CERS6: variants seen among roughly 807,000 people sequenced by gnomAD.
The protein encoded by CERS6 is ceramide synthase 6, also known as LAG1 homolog, ceramide synthase 6.
CERS6 carries 26 observed loss-of-function variants against 56.8 expected under a neutral mutation model. That is an observed-to-expected ratio of 0.46 (90% CI 0.34 to 0.63). The LOEUF is 0.63. Among genes scored for constraint, CERS6 ranks in the 30% least tolerant of loss-of-function variants. CERS6 has a pLI of 0.01. For missense variants in CERS6, 415 were observed against 467.5 expected, an observed-to-expected ratio of 0.89 and a Z score of 1.04; for synonymous variants, 164 against 173.3, an observed-to-expected ratio of 0.95 and a Z score of 0.42.
intron 3 of CERS6, among the ~76,000 whole-genome samples, chr2:168,590,631 G>A (rs1574084894): frequency 6.6e-6 from 1 of 152,116 alleles, no homozygotes; most frequent in East Asian, 1.9e-4. Flanking sequence ...GTATAATTTT[G>A]TTTTTTAATA....
intron 1 of CERS6, among the ~76,000 whole-genome samples, chr2:168,499,623 G>C (rs1351678824): frequency 2.6e-5 from 4 of 152,128 alleles, no homozygotes; most frequent in Non-Finnish European, 5.9e-5. Context: ...CGTACAACAG[G>C]TGGTTTGAGT....
chr2:168,623,502 GA>G (rs1684521317), intron 3 of CERS6, among the ~76,000 whole-genome samples: 1 of 152,146 alleles, frequency 6.6e-6, no homozygotes, highest in African/African-American at 2.4e-5. Flanking sequence ...AATCTTTAGA[GA>G]GAGACACTTT....
intron 1 of CERS6, among the ~76,000 whole-genome samples, chr2:168,474,571 A>G (rs2105327546): frequency 6.6e-6 from 1 of 152,330 alleles, no homozygotes; most frequent in East Asian, 1.9e-4. Context: ...TAACATGATG[A>G]CTTTTCCAAA....
rs1003480131 is a variant in CERS6 at position 168,769,908 on chromosome 2, A to G, written c.*246A>G. 4.5e-6 allele frequency: 2 copies of G among 445,320 alleles called. No homozygotes were observed. Among genetic ancestry groups the G allele is most frequent in the Non-Finnish European group, 7.8e-6 (2 of 255,550 alleles). The allele number at this position is 445,320 out of a possible 1,614,324, so 27.6% of individuals were successfully genotyped here. A position where few individuals can be genotyped will look rare whatever the true frequency, so the allele number is the denominator to read the frequency against. ...ACAGTATTTGCATTTGTACTGTCTT[A>G]GAATATTATTTATTTTTTTGTATTT... On this transcript the variant is annotated 3_prime_UTR_variant, in exon 10 of 10. Transcript: ENST00000305747.
chr2:168,596,279 AGGGTCATGTGGAAT>A (rs1422843335), intron 3 of CERS6, among the ~76,000 whole-genome samples: 1 of 150,408 alleles, frequency 6.6e-6, no homozygotes, highest in Non-Finnish European at 1.5e-5. Flanking sequence ...TGCTGATCAC[AGGGTCATGTGGAAT>A]GGGACCTCAA....
intron 5 of CERS6, among the ~76,000 whole-genome samples, chr2:168,693,613 T>C (rs145994557): frequency 2.0e-3 from 300 of 152,246 alleles, no homozygotes; most frequent in African/African-American, 7.1e-3. Context: ...AGGAAGTGTA[T>C]TCTACTCAGG....
At position 168,471,978 on chromosome 2, in the gene CERS6, G is replaced by A. The variant is rs185251095; in HGVS notation, c.170+15360G>A. On this transcript the variant is annotated intron_variant, in intron 1 of 9. Coordinates refer to ENST00000305747, the MANE Select transcript of CERS6 (RefSeq NM_203463.3). Reference sequence around the variant, plus strand: ...CGAATCTGTGGAGAGAGGGAGAGATGTAGATGAGAGTGTGAGTGCAGACGC... The same window carrying A: ...CGAATCTGTGGAGAGAGGGAGAGATATAGATGAGAGTGTGAGTGCAGACGC... Among the ~76,000 whole-genome samples, 5 of 152,180 alleles carry A rather than the reference G, an allele frequency of 3.3e-5. No homozygotes were observed. In the South Asian group the frequency reaches 1.0e-3, roughly 32 times the overall value.
chr2:168,749,040 G>GTATT (rs1272194401), intron 8 of CERS6, among the ~76,000 whole-genome samples: 2 of 150,012 alleles, frequency 1.3e-5, no homozygotes, highest in Non-Finnish European at 3.0e-5. Flanking sequence ...AAGGTTTGAG[G>GTATT]TATTGTACCC....
chr2:168,601,589 G>A (rs973186321), intron 3 of CERS6, among the ~76,000 whole-genome samples: 16 of 150,650 alleles, frequency 1.1e-4, no homozygotes, highest in East Asian at 1.9e-4. Flanking sequence ...TCGCTCTGTC[G>A]CCCAGGCTGG....
chr2:168,633,823 A>G (rs954297320), intron 4 of CERS6, among the ~76,000 whole-genome samples: 3 of 152,240 alleles, frequency 2.0e-5, no homozygotes, highest in African/African-American at 7.2e-5. Flanking sequence ...AGTTCTATCA[A>G]TACAGCATAA....
chr2:168,733,215 A>G (rs1683602260), intron 8 of CERS6, among the ~76,000 whole-genome samples: 1 of 152,210 alleles, frequency 6.6e-6, no homozygotes, highest in African/African-American at 2.4e-5. Flanking sequence ...TGAAAACCCA[A>G]CAGTTTCATT....
chr2:168,602,180 TTCTC>T (rs1683949800), intron 3 of CERS6, among the ~76,000 whole-genome samples: 1 of 152,228 alleles, frequency 6.6e-6, no homozygotes, highest in South Asian at 2.1e-4. Flanking sequence ...TTTTTTCTCT[TTCTC>T]TCTTTTAGAA....
At chr2:168,529,436 ACT>A (rs1695126524) in intron 1 of CERS6, among the ~76,000 whole-genome samples, 1 of 152,120 alleles carries the variant, frequency 6.6e-6, no homozygotes, top group Non-Finnish European at 1.5e-5. Context: ...TCCTCATTAA[ACT>A]CTGCATATAA....
In CERS6 at chr2:168,741,855, G is replaced by A. The variant is rs138136810; in HGVS notation, c.846-23737G>A. On this transcript the variant is annotated intron_variant, in intron 8 of 9. Coordinates refer to ENST00000305747, the MANE Select transcript of CERS6 (RefSeq NM_203463.3). ...TGAGTATTGATTCCTTGGTGCAGGAGGCATGGAAATAACAGAAGTTCCAGG... is the reference window on the plus strand; with the variant it reads ...TGAGTATTGATTCCTTGGTGCAGGAAGCATGGAAATAACAGAAGTTCCAGG... Among the ~76,000 whole-genome samples the A allele has an allele frequency of 5.0e-3, 756 of 152,258 alleles. 1 individual carries two copies. The highest frequency in any genetic ancestry group is 0.014 in the Middle Eastern group (4 of 294).
At chr2:168,719,940 AT>A (rs879363924) in intron 8 of CERS6, among the ~76,000 whole-genome samples, 468 of 146,092 alleles carry the variant, frequency 3.2e-3, no homozygotes, top group African/African-American at 5.4e-3. Context: ...TCAAAATAGT[AT>A]TTTTTTTTTT....
At chr2:168,652,466 A>G (rs141127169) in intron 4 of CERS6, among the ~76,000 whole-genome samples, 4 of 152,222 alleles carry the variant, frequency 2.6e-5, no homozygotes, top group African/African-American at 4.8e-5. Flanking sequence ...TTTGTTTTCA[A>G]TCTGAAAACT....
At chr2:168,724,075 T>C (rs1233910676) in intron 8 of CERS6, among the ~76,000 whole-genome samples, 1 of 152,160 alleles carries the variant, frequency 6.6e-6, no homozygotes, top group Non-Finnish European at 1.5e-5. Flanking sequence ...TTGCGGTGAG[T>C]GTTACAGCTC....
At chr2:168,483,259 TAAC>T (rs1267788613) in intron 1 of CERS6, among the ~76,000 whole-genome samples, 2 of 151,974 alleles carry the variant, frequency 1.3e-5, no homozygotes, top group African/African-American at 4.8e-5. Context: ...GGAGGTATAA[TAAC>T]TCGTCCACGA....
intron 1 of CERS6, among the ~76,000 whole-genome samples, chr2:168,462,632 G>A (rs1000564394): frequency 2.0e-5 from 3 of 152,120 alleles, no homozygotes; most frequent in African/African-American, 7.2e-5. Context: ...ACAGCCTTGA[G>A]GCTCAAACAA....
Sources: gnomAD v4.1 joint callset for allele counts (sites outside exome capture counted in the v4.1 genomes callset) on GRCh38, gnomAD v4.1.1 for gene constraint, MANE v1.5 for transcripts, NCBI Gene and HGNC (gene_info 2026-07-23, HGNC 2026-07-21) for gene names.